Variants in KLHDC1 observed in about 807,000 individuals in gnomAD.
KLHDC1 encodes the protein kelch domain containing 1.
In KLHDC1, 53 loss-of-function variants were observed where a neutral mutation model predicts 68.3. The ratio of observed to expected loss-of-function variants is 0.78; its 90% CI spans 0.62 to 0.98. KLHDC1 has a LOEUF of 0.98. Ranked by LOEUF, KLHDC1 falls within the 50% of genes least tolerant of loss-of-function variation. The pLI is 0.00. For synonymous variants in KLHDC1, 148 were observed against 159.0 expected, an observed-to-expected ratio of 0.93 and a Z score of 0.52; for missense variants, 470 against 492.3, an observed-to-expected ratio of 0.95 and a Z score of 0.43.
Position 49,713,850 on chromosome 14 carries a change from A to ATTTTTTTTTTTTT in KLHDC1, c.404+3474_404+3486dup, listed in dbSNP as rs869250721. On this transcript the variant is annotated intron_variant, in intron 4 of 12. Coordinates refer to ENST00000359332, the MANE Select transcript of KLHDC1 (RefSeq NM_172193.3). ...TATATATATATATATATATATATAT[A>ATTTTTTTTTTTTT]TTTTTTTTTTTTTTTTTCCTGAGAC... 8.0e-5 allele frequency among the ~76,000 whole-genome samples: 4 copies of ATTTTTTTTTTTTT among 50,226 alleles called. 1 individual carries two copies. Among genetic ancestry groups the ATTTTTTTTTTTTT allele is most frequent in the African/African-American group, 3.5e-4 (4 of 11,474 alleles). The allele number at this position is 50,226 out of a possible 152,430, so 33.0% of individuals were successfully genotyped here.
chr14:49,725,492 C>A, intron 5 of KLHDC1, 194 bp from the exon 6 acceptor site: 1 of 435,614 alleles, frequency 2.3e-6, no homozygotes, highest in Non-Finnish European at 4.1e-6. Context: ...GAAAAGTTGC[C>A]AGGTGGTGCT....
chr14:49,704,387 GT>G (rs35067251), intron 1 of KLHDC1, among the ~76,000 whole-genome samples: 4,376 of 68,326 alleles, frequency 0.064, 22 homozygotes, highest in Admixed American at 0.11. Context: ...TTCCTTTTCT[GT>G]TTTTTTTTTT....
At chr14:49,709,037 G>T in intron 1 of KLHDC1, 122 bp from the exon 2 acceptor site, 1 of 520,966 alleles carries the variant, frequency 1.9e-6, no homozygotes, top group Non-Finnish European at 3.4e-6. Flanking sequence ...TATTGAAAAA[G>T]ATCCTTGAGC....
At chr14:49,734,737 T>C (rs1594677181) in intron 10 of KLHDC1, 76 bp downstream of exon 10, 7 of 670,444 alleles carry the variant, frequency 1.0e-5, no homozygotes, top group Non-Finnish European at 9.6e-6. Context: ...GAATTTATAG[T>C]GTTTGCCATT....
chr14:49,695,209 GCCT>G (rs1169677612), intron 1 of KLHDC1, among the ~76,000 whole-genome samples: 3 of 151,102 alleles, frequency 2.0e-5, no homozygotes, highest in Non-Finnish European at 2.9e-5. Context: ...TCCTGCCTCA[GCCT>G]CCTGAGTAGC....
At chr14:49,698,079 T>C (rs903070996) in intron 1 of KLHDC1, among the ~76,000 whole-genome samples, 1 of 152,236 alleles carries the variant, frequency 6.6e-6, no homozygotes, top group Non-Finnish European at 1.5e-5. Flanking sequence ...AAATTTTGAT[T>C]GTTTTGAGTT....
chr14:49,724,153 A>G lies in KLHDC1; in HGVS notation c.483+201A>G, dbSNP rs1266116940. Reference sequence around the variant, plus strand: ...TCTAGTGGTATTAGCCTTCATGGCTATTGGCAGAGTAATTTCTTTTCTTAT... The same window carrying G: ...TCTAGTGGTATTAGCCTTCATGGCTGTTGGCAGAGTAATTTCTTTTCTTAT... On this transcript the variant is annotated intron_variant, in intron 5 of 12. Coordinates refer to ENST00000359332, the MANE Select transcript of KLHDC1 (RefSeq NM_172193.3). Among the ~76,000 whole-genome samples, 5 of 152,162 alleles carry G rather than the reference A, an allele frequency of 3.3e-5. 1 individual carries two copies. Among genetic ancestry groups the G allele is most frequent in the Non-Finnish European group, 7.4e-5 (5 of 68,016 alleles).
At chr14:49,720,398 G>A (rs989967108) in intron 4 of KLHDC1, among the ~76,000 whole-genome samples, 6 of 152,110 alleles carry the variant, frequency 3.9e-5, no homozygotes, top group African/African-American at 1.2e-4. Flanking sequence ...GGTATTGCAG[G>A]TGTGACCCAC....
intron 11 of KLHDC1, among the ~76,000 whole-genome samples, chr14:49,742,182 A>T (rs186736537): frequency 1.1e-4 from 17 of 152,356 alleles, no homozygotes; most frequent in Non-Finnish European, 1.9e-4. Context: ...TTGGCACTAG[A>T]AATCTTCATT....
Position 49,693,278 on chromosome 14 carries a change from G to A in KLHDC1, c.84G>A (p.Trp28Ter), listed in dbSNP as rs140549878. Residue 28 changes from tryptophan (W) to a stop codon, truncating the protein, a stop_gained, in exon 1 of 13, where the codon TGG becomes TGA. Coordinates refer to ENST00000359332, the MANE Select transcript of KLHDC1 (RefSeq NM_172193.3). LOFTEE classifies it high-confidence loss of function. Reference sequence around the variant, plus strand: ...TGGACGGAAACTTCCTCTACGTGTGGGGGGGCTACGTGGTAAGGGGAAGAG... The same window carrying A: ...TGGACGGAAACTTCCTCTACGTGTGAGGGGGCTACGTGGTAAGGGGAAGAG... ...AVVDGNFLYV[W>*]GGYVSIEDNE... The A allele has an allele frequency of 1.0e-5, 16 of 1,553,634 alleles. No individual in the cohort carries two copies. The highest frequency in any genetic ancestry group is 1.3e-5 in the Non-Finnish European group (15 of 1,151,492).
At chr14:49,725,578 C>CT in intron 5 of KLHDC1, 108 bp from the exon 6 acceptor site, 3 of 677,750 alleles carry the variant, frequency 4.4e-6, no homozygotes, top group Non-Finnish European at 7.4e-6. Flanking sequence ...ACACTTAACT[C>CT]TATTTTTGTA....
At chr14:49,740,605 C>T (rs899144999) in intron 11 of KLHDC1, among the ~76,000 whole-genome samples, 2 of 152,136 alleles carry the variant, frequency 1.3e-5, no homozygotes, top group African/African-American at 2.4e-5. Flanking sequence ...TCCCAAAGTG[C>T]TGGGATTACA....
At chr14:49,740,036 A>G (rs1020371332) in intron 10 of KLHDC1, 62 bp from the exon 11 acceptor site, 3 of 871,806 alleles carry the variant, frequency 3.4e-6, no homozygotes, top group Non-Finnish European at 3.6e-6. Context: ...GAATTGATTT[A>G]TATATAATGT....
At chr14:49,710,062 T>A (rs1410516552) in intron 3 of KLHDC1, among the ~76,000 whole-genome samples, 1 of 152,166 alleles carries the variant, frequency 6.6e-6, no homozygotes. Context: ...GAGCAGGATG[T>A]GACTCATTTT....
chr14:49,714,833 C>T (rs1193825668), intron 4 of KLHDC1, among the ~76,000 whole-genome samples: 1 of 121,728 alleles, frequency 8.2e-6, no homozygotes, highest in Non-Finnish European at 1.7e-5. Flanking sequence ...ATACTTAACA[C>T]ATAGTATATA....
intron 1 of KLHDC1, among the ~76,000 whole-genome samples, chr14:49,696,758 G>A (rs949046156): frequency 1.3e-5 from 2 of 152,034 alleles, no homozygotes; most frequent in Admixed American, 6.6e-5. Context: ...AGAACTTTCC[G>A]TTTGGATTTA....
At chr14:49,745,513 G>T (rs752958565) in intron 12 of KLHDC1, among the ~76,000 whole-genome samples, 1 of 152,138 alleles carries the variant, frequency 6.6e-6, no homozygotes, top group African/African-American at 2.4e-5. Context: ...CAAGCTTCCA[G>T]ACTTTTTCTA....
intron 8 of KLHDC1, among the ~76,000 whole-genome samples, chr14:49,730,163 C>CA (rs1420438303): frequency 6.8e-6 from 1 of 147,956 alleles, no homozygotes; most frequent in Non-Finnish European, 1.5e-5. Flanking sequence ...AAATGTACCA[C>CA]AAAAAATTAA....
rs869250721 is a variant in KLHDC1 at position 49,713,850 on chromosome 14, A to ATTTTTTTTTT, written c.404+3477_404+3486dup. 2.0e-4 allele frequency among the ~76,000 whole-genome samples: 10 copies of ATTTTTTTTTT among 50,230 alleles called. 1 individual carries two copies. The highest frequency in any genetic ancestry group is 2.9e-4 in the Non-Finnish European group (9 of 30,776). 33.0% of individuals were successfully genotyped at this position (50,230 alleles called of 152,430 possible). A position where few individuals can be genotyped will look rare whatever the true frequency, so the allele number is the denominator to read the frequency against. On this transcript the variant is annotated intron_variant, in intron 4 of 12. Transcript: ENST00000359332. ...TATATATATATATATATATATATAT[A>ATTTTTTTTTT]TTTTTTTTTTTTTTTTTCCTGAGAC... is the stretch of plus-strand genomic sequence containing the variant.
Sources: allele counts gnomAD v4.1 joint callset (sites outside exome capture counted in the v4.1 genomes callset), GRCh38; gene constraint gnomAD v4.1.1; transcripts MANE v1.5; gene names NCBI Gene and HGNC (gene_info 2026-07-23, HGNC 2026-07-21).